SIPA1L2: variants seen among roughly 807,000 people sequenced by gnomAD.
SIPA1L2 encodes signal induced proliferation associated 1 like 2.
SIPA1L2 carries 56 observed loss-of-function variants against 163.9 expected under a neutral mutation model. That is an observed-to-expected ratio of 0.34 (90% CI 0.28 to 0.43). The LOEUF (loss-of-function observed/expected upper bound fraction) is 0.43, where lower values mean the gene tolerates loss of function less well. Among genes scored for constraint, SIPA1L2 ranks in the 20% least tolerant of loss-of-function variants. The pLI, the probability that SIPA1L2 is intolerant of heterozygous loss-of-function variation, is 1.00. For missense variants in SIPA1L2, 1,974 were observed against 2,193.5 expected, an observed-to-expected ratio of 0.90 and a Z score of 2.00; for synonymous variants, 877 against 865.7, an observed-to-expected ratio of 1.01 and a Z score of -0.23.
chr1:232,514,810 T>C lies in SIPA1L2; in HGVS notation c.530A>G (p.Gln177Arg). 1.2e-6 allele frequency: 2 copies of C among 1,614,212 alleles called. No homozygotes were observed. Among genetic ancestry groups the C allele is most frequent in the Non-Finnish European group, 1.7e-6 (2 of 1,180,036 alleles). Residue 177 changes from glutamine (Q) to arginine (R), a missense_variant, in exon 3 of 23, where the codon CAA becomes CGA. Transcript: ENST00000674635. The part of the protein sequence containing the change: ...SDIDAEDVLD[Q>R]NAVNPNTGAA... ...CCCGGTGTTGGGGTTGACTGCATTTTGGTCTAAGACATCTTCGGCATCAAT... is the reference window on the plus strand; with the variant it reads ...CCCGGTGTTGGGGTTGACTGCATTTCGGTCTAAGACATCTTCGGCATCAAT...
At chr1:232,587,089 G>T (rs1309042414) in intron 1 of SIPA1L2, among the ~76,000 whole-genome samples, 1 of 152,174 alleles carries the variant, frequency 6.6e-6, no homozygotes, top group African/African-American at 2.4e-5. Flanking sequence ...ACTACAAAAA[G>T]ATTACCTTGA....
At chr1:232,539,826 C>T (rs1268900977) in intron 2 of SIPA1L2, among the ~76,000 whole-genome samples, 1 of 152,230 alleles carries the variant, frequency 6.6e-6, no homozygotes, top group Non-Finnish European at 1.5e-5. Context: ...CTAGATCTGG[C>T]TCCTCTGAGC....
At chr1:232,506,203 T>C (rs1666725409) in intron 3 of SIPA1L2, among the ~76,000 whole-genome samples, 1 of 152,170 alleles carries the variant, frequency 6.6e-6, no homozygotes, top group South Asian at 2.1e-4. Flanking sequence ...CCTGTAGCAG[T>C]GGTGTGAACA....
chr1:232,457,486 AAC>A (rs1323166081), intron 10 of SIPA1L2, among the ~76,000 whole-genome samples: 3 of 152,180 alleles, frequency 2.0e-5, no homozygotes, highest in Non-Finnish European at 2.9e-5. Context: ...TACACACAGA[AAC>A]ACACACATGC....
At chr1:232,513,043 A>C (rs567108984) in intron 3 of SIPA1L2, among the ~76,000 whole-genome samples, 1 of 152,164 alleles carries the variant, frequency 6.6e-6, no homozygotes, top group African/African-American at 2.4e-5. Flanking sequence ...GGCGTGAAGG[A>C]CACCAGCTGC....
At chr1:232,538,613 G>A (rs138847637) in intron 2 of SIPA1L2, among the ~76,000 whole-genome samples, 1 of 152,230 alleles carries the variant, frequency 6.6e-6, no homozygotes, top group Non-Finnish European at 1.5e-5. Context: ...GTGGTACAGA[G>A]AATGCTGCCA....
intron 12 of SIPA1L2, among the ~76,000 whole-genome samples, chr1:232,442,569 G>GAAAAAAAAAAAAAAAAAA (rs1354346558): frequency 7.0e-6 from 1 of 142,784 alleles, no homozygotes; most frequent in African/African-American, 2.7e-5. Flanking sequence ...AAAAAAAAAG[G>GAAAAAAAAAAAAAAAAAA]AAAAAAAAGA....
At chr1:232,563,997 G>GTGTGTGTGTGT (rs59567558) in intron 2 of SIPA1L2, among the ~76,000 whole-genome samples, 1 of 94,634 alleles carries the variant, frequency 1.1e-5, no homozygotes, top group African/African-American at 4.8e-5. Flanking sequence ...GTGTGTGTGT[G>GTGTGTGTGTGT]ATGGAGTTTT....
At chr1:232,588,145 G>A (rs1660768778) in intron 1 of SIPA1L2, among the ~76,000 whole-genome samples, 1 of 152,172 alleles carries the variant, frequency 6.6e-6, no homozygotes, top group Non-Finnish European at 1.5e-5. Context: ...GGAAAGCCCT[G>A]TTGCAGCATA....
rs112470071 is a variant in SIPA1L2 at position 232,492,623 on chromosome 1, T to C, written c.1617+904A>G. On this transcript the variant is annotated intron_variant, in intron 4 of 22. Coordinates refer to ENST00000674635, the MANE Select transcript of SIPA1L2 (RefSeq NM_020808.5). ...AAGCAAGACAAGCAAGAATCTAACC[T>C]GGGTCCTCAATGTAACAAAGCGTGG... Among the ~76,000 whole-genome samples, 107 of 152,338 alleles carry C rather than the reference T, an allele frequency of 7.0e-4. 2 individuals carry two copies. The highest frequency in any genetic ancestry group is 2.5e-3 in the African/African-American group (103 of 41,578).
chr1:232,458,363 T>G (rs1317817177), intron 10 of SIPA1L2, among the ~76,000 whole-genome samples: 1 of 152,248 alleles, frequency 6.6e-6, no homozygotes, highest in Non-Finnish European at 1.5e-5. Context: ...TAACAGCTGC[T>G]GGAACTTTTA....
chr1:232,584,816 T>G (rs529210869), intron 1 of SIPA1L2, among the ~76,000 whole-genome samples: 2 of 152,108 alleles, frequency 1.3e-5, no homozygotes, highest in African/African-American at 4.8e-5. Context: ...AGAAGAAAAA[T>G]TAAAAAGGAA....
chr1:232,591,440 T>A (rs1660952997), intron 1 of SIPA1L2, among the ~76,000 whole-genome samples: 1 of 152,352 alleles, frequency 6.6e-6, no homozygotes, highest in East Asian at 1.9e-4. Flanking sequence ...TCCCTGGGTC[T>A]GCCGAGGATG....
chr1:232,583,184 T>C (rs1469742336), intron 1 of SIPA1L2, among the ~76,000 whole-genome samples: 1 of 152,162 alleles, frequency 6.6e-6, no homozygotes, highest in Non-Finnish European at 1.5e-5. Context: ...ACCCAATTTG[T>C]AAAACATTAC....
At chr1:232,620,726 T>C (rs938241704) in intron 1 of SIPA1L2, among the ~76,000 whole-genome samples, 1 of 152,228 alleles carries the variant, frequency 6.6e-6, no homozygotes, top group Non-Finnish European at 1.5e-5. Context: ...AAACTGCCAG[T>C]TTTAAACAAA....
intron 19 of SIPA1L2, among the ~76,000 whole-genome samples, chr1:232,414,259 G>C (rs1415408190): frequency 6.6e-6 from 1 of 152,194 alleles, no homozygotes; most frequent in East Asian, 1.9e-4. Flanking sequence ...TACTTCCCCT[G>C]TGTCCACTTG....
rs565934136 is a variant in SIPA1L2 at position 232,515,920 on chromosome 1, C to A, written c.-269-312G>T. 3.3e-5 allele frequency among the ~76,000 whole-genome samples: 5 copies of A among 152,314 alleles called. No individual in the cohort carries two copies. The East Asian group carries it at 9.7e-4, about 29-fold the overall frequency. Reference sequence around the variant, plus strand: ...CATCTATATCCAACAGAGTAATTTTCCTTATCTCTAATTGCTGTTTACCAA... The same window carrying A: ...CATCTATATCCAACAGAGTAATTTTACTTATCTCTAATTGCTGTTTACCAA... On this transcript the variant is annotated intron_variant, in intron 2 of 22. Coordinates refer to ENST00000674635, the MANE Select transcript of SIPA1L2 (RefSeq NM_020808.5).
intron 1 of SIPA1L2, among the ~76,000 whole-genome samples, chr1:232,628,103 C>G (rs1235450968): frequency 6.6e-6 from 1 of 152,220 alleles, no homozygotes; most frequent in Non-Finnish European, 1.5e-5. Context: ...CTGCCGTGAT[C>G]TTGCTTTAGA....
chr1:232,429,322 C>T (rs1662089365), intron 16 of SIPA1L2, among the ~76,000 whole-genome samples: 1 of 152,192 alleles, frequency 6.6e-6, no homozygotes, highest in African/African-American at 2.4e-5. Flanking sequence ...TGAAACATAA[C>T]ACTCTAGGAA....
Sources: allele counts gnomAD v4.1 joint callset (sites outside exome capture counted in the v4.1 genomes callset), GRCh38; gene constraint gnomAD v4.1.1; transcripts MANE v1.5; gene names NCBI Gene and HGNC (gene_info 2026-07-23, HGNC 2026-07-21).